The following CHST15 variants were observed in gnomAD, a reference collection of about 807,000 sequenced individuals.
CHST15 encodes the protein carbohydrate sulfotransferase 15, also known as B cell RAG associated protein (GALNAC4S-6ST).
In CHST15, 30 loss-of-function variants were observed where a neutral mutation model predicts 53.6. The observed-to-expected ratio is 0.56, with a 90% CI of 0.42 to 0.76. The LOEUF is 0.76. CHST15 is among the 30% of genes least tolerant of loss of function. The pLI is 0.00. For missense variants in CHST15, 627 were observed against 740.5 expected, an observed-to-expected ratio of 0.85 and a Z score of 1.78; for synonymous variants, 296 against 289.8, an observed-to-expected ratio of 1.02 and a Z score of -0.22.
rs773283280 is a variant in CHST15 at position 124,045,879 on chromosome 10, G to C, written c.334C>G (p.His112Asp). 2 of 1,614,038 alleles carry C rather than the reference G, an allele frequency of 1.2e-6. No individual in the cohort carries two copies. The highest frequency in any genetic ancestry group is 1.7e-6 in the Non-Finnish European group (2 of 1,180,004). The change falls in exon 2 of 8, where the codon CAT becomes GAT. Residue 112 changes from histidine to aspartate, a missense_variant. Physicochemically the swap from His to Asp is moderately conservative, Grantham distance 81 (BLOSUM62 -1). This residue lies in a region of CHST15 where 187 missense variants were observed against 251.8 expected (regional missense o/e 0.74). Transcript: ENST00000435907. ...GGGTTGCTGGGGAAGCCTCCGTAAT[G>C]GAAAGGTGATGAGATCAGAAGCTCT... Reference protein sequence around the residue: ...HQELLISSPFHYGGFPSNPSL... With the variant: ...HQELLISSPFDYGGFPSNPSL...
chr10:124,034,359 TG>T (rs1488911305), intron 5 of CHST15, among the ~76,000 whole-genome samples: 8 of 152,130 alleles, frequency 5.3e-5, no homozygotes, highest in African/African-American at 1.9e-4. Flanking sequence ...AGACTCAGGC[TG>T]GGGTAAGAGA....
At chr10:124,013,810 C>G (rs1946495170) in intron 6 of CHST15, among the ~76,000 whole-genome samples, 1 of 152,216 alleles carries the variant, frequency 6.6e-6, no homozygotes. Flanking sequence ...CCCAGGGACC[C>G]TGCTCTGCCT....
chr10:124,015,167 G>A (rs866335985), intron 6 of CHST15, among the ~76,000 whole-genome samples: 1 of 152,144 alleles, frequency 6.6e-6, no homozygotes, highest in Non-Finnish European at 1.5e-5. Flanking sequence ...TATCACTACT[G>A]CAACCATATG....
At chr10:124,018,563 G>A (rs1256738147) in intron 6 of CHST15, among the ~76,000 whole-genome samples, 1 of 152,228 alleles carries the variant, frequency 6.6e-6, no homozygotes, top group Non-Finnish European at 1.5e-5. Context: ...AGGATGTACA[G>A]GGAGGGCACC....
rs566191159 is a variant in CHST15 at position 124,081,980 on chromosome 10, G to A, written c.-513+11489C>T. Among the ~76,000 whole-genome samples, 8 of 152,304 alleles carry A rather than the reference G, an allele frequency of 5.3e-5. No homozygotes were observed. In the South Asian group the frequency reaches 6.2e-4, roughly 12 times the overall value. On this transcript the variant is annotated intron_variant, in intron 1 of 7. Transcript: ENST00000435907. Reference sequence around the variant, plus strand: ...TATTCCCCGGATAAGCAGCCGGGCCGCCCATCACCGCAGGGGAGAAAGAAC... The same window carrying A: ...TATTCCCCGGATAAGCAGCCGGGCCACCCATCACCGCAGGGGAGAAAGAAC...
chr10:124,019,872 C>A lies in CHST15; in HGVS notation c.1347+1384G>T, dbSNP rs932326461. 9 of 986,006 alleles carry A rather than the reference C, an allele frequency of 9.1e-6. No homozygotes were observed. The highest frequency in any genetic ancestry group is 1.1e-5 in the Non-Finnish European group (9 of 830,360). The allele number at this position is 986,006 out of a possible 1,614,324, so 61.1% of individuals were successfully genotyped here. A position where few individuals can be genotyped will look rare whatever the true frequency, so the allele number is the denominator to read the frequency against. ...GCCTCAGTGCCCCCCATCTCCCACACCAGGCGGCTGGCTGCGTTCTGTATG... is the reference window on the plus strand; with the variant it reads ...GCCTCAGTGCCCCCCATCTCCCACAACAGGCGGCTGGCTGCGTTCTGTATG... On this transcript the variant is annotated intron_variant, in intron 6 of 7. Transcript: ENST00000435907. The surrounding 1 kb of genome is among the most constrained non-coding windows in gnomAD (Gnocchi z 4.6).
At position 124,046,070 on chromosome 10, in the gene CHST15, T is replaced by C; in HGVS notation, c.143A>G (p.Asp48Gly). 1.2e-6 allele frequency: 2 copies of C among 1,614,222 alleles called. No homozygotes were observed. Among genetic ancestry groups the C allele is most frequent in the Non-Finnish European group, 1.7e-6 (2 of 1,180,050 alleles). ...AGCAAGCAAGTTCATCTGCTTACTGTCCACACGAAACAGAATTTTGTTTTC... is the reference window on the plus strand; with the variant it reads ...AGCAAGCAAGTTCATCTGCTTACTGCCCACACGAAACAGAATTTTGTTTTC... Reference protein sequence around the residue: ...KGENKILFRVDSKQMNLLAVL... With the variant: ...KGENKILFRVGSKQMNLLAVL... Residue 48 changes from aspartate to glycine, a missense_variant, in exon 2 of 8, where the codon GAC (aspartate) becomes GGC (glycine). Coordinates refer to ENST00000435907, the MANE Select transcript of CHST15 (RefSeq NM_001270764.2).
chr10:124,069,303 A>C (rs4929820), intron 1 of CHST15, among the ~76,000 whole-genome samples: 102,999 of 152,126 alleles, frequency 0.68, 35,037 homozygotes, highest in South Asian at 0.77. Context: ...CCATACAGAT[A>C]ATAAATATAG....
At chr10:124,044,484 G>T in intron 3 of CHST15, 96 bp downstream of exon 3, 1 of 1,023,798 alleles carries the variant, frequency 9.8e-7, no homozygotes, top group African/African-American at 1.6e-5. Flanking sequence ...ATCTCTTTCT[G>T]CCGCCCTCGC....
chr10:124,044,775 C>G lies in CHST15; in HGVS notation c.691G>C (p.Ala231Pro), dbSNP rs755106803. The stretch of plus-strand genomic sequence containing the variant: ...TGGCCCCAGAAGGCCTTGCGCAGGG[C>G]GTCGAAGGTGGAGCGGAAGCGCTTG... ...YSKRFRSTFD[A>P]LRKAFWGHLA... Residue 231 changes from alanine to proline, a missense_variant, in exon 3 of 8, where the codon GCC (alanine) becomes CCC (proline). Physicochemically the swap from Ala to Pro is conservative, Grantham distance 27. Around this residue, in one of 3 missense-constraint regions of CHST15, gnomAD observed 161 missense variants for 117.2 expected, o/e 1.37. Transcript: ENST00000435907. 10 of 1,610,714 alleles carry G rather than the reference C, an allele frequency of 6.2e-6. No homozygotes were observed. The highest frequency in any genetic ancestry group is 1.6e-4 in the Middle Eastern group (1 of 6,066).
Position 124,044,858 on chromosome 10 carries a change from T to C in CHST15, c.608A>G (p.Glu203Gly). The C allele has an allele frequency of 6.7e-7, 1 of 1,491,894 alleles. No homozygotes were observed. Among genetic ancestry groups the C allele is most frequent in the Non-Finnish European group, 8.9e-7 (1 of 1,118,704 alleles). 92.4% of individuals were successfully genotyped at this position (1,491,894 alleles called of 1,614,324 possible). A position where few individuals can be genotyped will look rare whatever the true frequency, so the allele number is the denominator to read the frequency against. Reference sequence around the variant, plus strand: ...GTCGGTGGTGTTCTGCCCCGAGAACTCCTCGTACCAACAGGGGCTCTTACT... The same window carrying C: ...GTCGGTGGTGTTCTGCCCCGAGAACCCCTCGTACCAACAGGGGCTCTTACT... ...PNSKSPCWYE[E>G]FSGQNTTDPY... The change falls in exon 3 of 8, where the codon GAG becomes GGG. Residue 203 changes from glutamate (E) to glycine (G), a missense_variant. By Grantham distance (98) the Glu-to-Gly change is moderately conservative. Around this residue, in one of 3 missense-constraint regions of CHST15, gnomAD observed 161 missense variants for 117.2 expected, o/e 1.37. Coordinates refer to ENST00000435907, the MANE Select transcript of CHST15 (RefSeq NM_001270764.2).
At chr10:124,079,054 T>G (rs1213458762) in intron 1 of CHST15, among the ~76,000 whole-genome samples, 10 of 152,212 alleles carry the variant, frequency 6.6e-5, no homozygotes, top group African/African-American at 2.4e-4. Flanking sequence ...AGCTGCCTGG[T>G]GTAGGACTCA....
At chr10:124,039,266 G>A (rs1947644028) in intron 4 of CHST15, among the ~76,000 whole-genome samples, 1 of 152,198 alleles carries the variant, frequency 6.6e-6, no homozygotes, top group African/African-American at 2.4e-5. Context: ...ATCTAACAAA[G>A]AGAAAGAGCT....
chr10:124,073,576 T>C (rs974197338), intron 1 of CHST15, among the ~76,000 whole-genome samples: 1 of 152,158 alleles, frequency 6.6e-6, no homozygotes, highest in Non-Finnish European at 1.5e-5. Flanking sequence ...CTCCAATTCC[T>C]TAAAAGTTCA....
intron 6 of CHST15, 118 bp downstream of exon 6, chr10:124,021,138 C>T (rs190069665): frequency 1.0e-5 from 16 of 1,531,894 alleles, no homozygotes; most frequent in South Asian, 3.6e-5. Flanking sequence ...CACATTAAAA[C>T]GCTTCTCTCT....
intron 6 of CHST15, among the ~76,000 whole-genome samples, chr10:124,012,802 C>T (rs7893455): frequency 0.27 from 40,311 of 152,084 alleles, 5,477 homozygotes; most frequent in East Asian, 0.35. Flanking sequence ...ACATGTTCCT[C>T]GCACAATATC....
At chr10:124,091,408 G>A (rs1949596034) in intron 1 of CHST15, among the ~76,000 whole-genome samples, 1 of 152,168 alleles carries the variant, frequency 6.6e-6, no homozygotes, top group Non-Finnish European at 1.5e-5. Context: ...CAGGAGAAAC[G>A]CTGGGCAAAT....
Position 124,045,899 on chromosome 10 carries a change from A to C in CHST15, c.314T>G (p.Leu105Arg), listed in dbSNP as rs774176086. 6.2e-7 allele frequency: 1 copy of C among 1,614,010 alleles called. No individual in the cohort carries two copies. Among genetic ancestry groups the C allele is most frequent in the Non-Finnish European group, 8.5e-7 (1 of 1,179,958 alleles). ...SYILSGAHQE[L>R]LISSPFHYGG... ...GTAATGGAAAGGTGATGAGATCAGA[A>C]GCTCTTGGTGGGCCCCAGAAAGGAT... The change falls in exon 2 of 8, where the codon CTT (leucine) becomes CGT (arginine). Residue 105 changes from leucine (L) to arginine (R), a missense_variant. By Grantham distance (102) the Leu-to-Arg change is moderately radical (BLOSUM62 -2). Around this residue, in one of 3 missense-constraint regions of CHST15, gnomAD observed 187 missense variants for 251.8 expected, o/e 0.74. Coordinates refer to ENST00000435907, the MANE Select transcript of CHST15 (RefSeq NM_001270764.2).
At chr10:124,033,449 G>A (rs903755577) in intron 5 of CHST15, among the ~76,000 whole-genome samples, 19 of 152,150 alleles carry the variant, frequency 1.2e-4, no homozygotes, top group African/African-American at 3.6e-4. Flanking sequence ...CTCCTAGGAC[G>A]GTCCTCAGTG....
Sources: gnomAD v4.1 joint callset for allele counts (sites outside exome capture counted in the v4.1 genomes callset) on GRCh38, gnomAD v4.1.1 for gene constraint, gnomAD v4.1.1 regional missense constraint, Gnocchi (gnomAD v3.1) non-coding constraint, MANE v1.5 for transcripts, NCBI Gene and HGNC (gene_info 2026-07-23, HGNC 2026-07-21) for gene names.